The following INPP4B variants were observed in gnomAD, a reference collection of about 807,000 sequenced individuals.
INPP4B encodes the protein inositol polyphosphate 4-phosphatase type II.
A neutral mutation model predicts 122.5 loss-of-function variants in INPP4B; 55 were observed. The observed-to-expected ratio is 0.45, with a 90% CI of 0.36 to 0.56. The LOEUF (loss-of-function observed/expected upper bound fraction) is 0.56, where lower values mean the gene tolerates loss of function less well. Ranked by LOEUF, INPP4B falls within the 20% of genes least tolerant of loss-of-function variation. The pLI, the probability that INPP4B is intolerant of heterozygous loss-of-function variation, is 0.00. For missense variants in INPP4B, 1,000 were observed against 1,097.7 expected (o/e 0.91, Z 1.26); for synonymous variants, 403 against 388.7 (o/e 1.04, Z -0.43).
chr4:142,369,286 A>C (rs1289545496), intron 7 of INPP4B, among the ~76,000 whole-genome samples: 1 of 152,092 alleles, frequency 6.6e-6, no homozygotes, highest in African/African-American at 2.4e-5. Context: ...TCCAGGATAA[A>C]AACAAAAAAT....
intron 3 of INPP4B, among the ~76,000 whole-genome samples, chr4:142,457,994 AC>A (rs748841310): frequency 5.3e-5 from 8 of 152,212 alleles, no homozygotes; most frequent in Non-Finnish European, 1.0e-4. Flanking sequence ...ATCTTTGATT[AC>A]TCAAAAACCT....
At chr4:142,538,239 T>A (rs1828522335) in intron 2 of INPP4B, among the ~76,000 whole-genome samples, 1 of 152,240 alleles carries the variant, frequency 6.6e-6, no homozygotes, top group African/African-American at 2.4e-5. Flanking sequence ...CAACACTGAT[T>A]GCTAAATTGG....
intron 2 of INPP4B, among the ~76,000 whole-genome samples, chr4:142,714,425 T>C (rs1045751653): frequency 6.6e-6 from 1 of 152,158 alleles, no homozygotes; most frequent in African/African-American, 2.4e-5. Flanking sequence ...TGCTTGAAAA[T>C]TGAAGTGTTT....
intron 1 of INPP4B, among the ~76,000 whole-genome samples, chr4:142,733,858 T>C (rs1447372027): frequency 6.6e-6 from 1 of 152,092 alleles, no homozygotes; most frequent in Admixed American, 6.6e-5. Context: ...CCATAAACAG[T>C]AAAGCTGATT....
intron 1 of INPP4B, among the ~76,000 whole-genome samples, chr4:142,827,554 A>G (rs1025646114): frequency 7.2e-5 from 11 of 152,216 alleles, no homozygotes; most frequent in African/African-American, 2.7e-4. Flanking sequence ...TTACAGCTGT[A>G]CATATTTTTA....
chr4:142,419,673 A>T (rs1251724633), intron 5 of INPP4B, among the ~76,000 whole-genome samples: 1 of 152,182 alleles, frequency 6.6e-6, no homozygotes, highest in African/African-American at 2.4e-5. Context: ...CATTTGGGGC[A>T]AAGACTGTTT....
chr4:142,313,100 G>T (rs979016529), intron 8 of INPP4B, among the ~76,000 whole-genome samples: 12 of 152,186 alleles, frequency 7.9e-5, no homozygotes, highest in African/African-American at 2.9e-4. Context: ...GGGGGAAATG[G>T]TGGGAGGAGG....
rs571598546 is a variant in INPP4B, at chr4:142,384,217, T to C, written c.372+18721A>G. ...GTGGGTTAAGACAAAAGAAATACCTTAGAAAAAACAGGTATTAACTCAATT... is the reference window on the plus strand; with the variant it reads ...GTGGGTTAAGACAAAAGAAATACCTCAGAAAAAACAGGTATTAACTCAATT... On this transcript the variant is annotated intron_variant, in intron 7 of 25. Transcript: ENST00000262992. 2.8e-5 allele frequency: 19 copies of C among 670,016 alleles called. No homozygotes were observed. The Admixed American group carries it at 4.0e-4, about 14-fold the overall frequency. The allele number at this position is 670,016 out of a possible 1,614,324, so 41.5% of individuals were successfully genotyped here. A position where few individuals can be genotyped will look rare whatever the true frequency, so the allele number is the denominator to read the frequency against.
intron 2 of INPP4B, among the ~76,000 whole-genome samples, chr4:142,714,376 T>A (rs984147029): frequency 6.6e-6 from 1 of 152,216 alleles, no homozygotes; most frequent in African/African-American, 2.4e-5. Context: ...CACGTTGACA[T>A]AAATTCAGGC....
intron 25 of INPP4B, among the ~76,000 whole-genome samples, chr4:142,030,830 T>A (rs1739454931): frequency 6.6e-6 from 1 of 152,172 alleles, no homozygotes; most frequent in Non-Finnish European, 1.5e-5. Flanking sequence ...ATCTTTAAAA[T>A]GAGTGAGACA....
At chr4:142,245,595 C>T (rs929629697) in intron 11 of INPP4B, among the ~76,000 whole-genome samples, 3 of 151,840 alleles carry the variant, frequency 2.0e-5, no homozygotes, top group African/African-American at 7.3e-5. Context: ...ATGATGCTGG[C>T]CTCATAAAAT....
chr4:142,214,711 C>T (rs1846317974), intron 12 of INPP4B, among the ~76,000 whole-genome samples: 1 of 152,126 alleles, frequency 6.6e-6, no homozygotes, highest in East Asian at 1.9e-4. Flanking sequence ...TGCCATCACG[C>T]CTGGCTAATC....
chr4:142,833,884 G>A (rs950652944), intron 1 of INPP4B, among the ~76,000 whole-genome samples: 13 of 152,010 alleles, frequency 8.6e-5, no homozygotes, highest in African/African-American at 1.7e-4. Flanking sequence ...CCTCAATAGC[G>A]CACCCAGACT....
At chr4:142,530,769 C>A (rs1300657174) in intron 2 of INPP4B, among the ~76,000 whole-genome samples, 2 of 151,914 alleles carry the variant, frequency 1.3e-5, no homozygotes, top group African/African-American at 4.8e-5. Flanking sequence ...GAAGTACATT[C>A]AGGCATTGAA....
Position 142,193,178 on chromosome 4 carries a change from T to G in INPP4B, c.1090A>C (p.Ile364Leu), listed in dbSNP as rs1218091516. ...PHLKDALYDV[I>L]TVGAPAAHFQ... is the part of the protein sequence containing the mutation. The stretch of plus-strand genomic sequence containing the variant: ...TGGGCAGCTGGGGCTCCCACAGTGA[T>G]GACATCGTAGAGAGCATCTGGAGTA... Residue 364 changes from isoleucine to leucine, a missense_variant, in exon 15 of 26, where the codon ATC becomes CTC. Physicochemically the swap from Ile to Leu is conservative, Grantham distance 5. Coordinates refer to ENST00000262992, the MANE Select transcript of INPP4B (RefSeq NM_001101669.3). The G allele has an allele frequency of 6.2e-7, 1 of 1,610,580 alleles. No individual in the cohort carries two copies. The highest frequency in any genetic ancestry group is 8.5e-7 in the Non-Finnish European group (1 of 1,177,010).
At chr4:142,723,874 C>T (rs568898934) in intron 2 of INPP4B, among the ~76,000 whole-genome samples, 1 of 152,030 alleles carries the variant, frequency 6.6e-6, no homozygotes, top group Non-Finnish European at 1.5e-5. Context: ...ATTGCAAACA[C>T]CCCCAGTTCA....
intron 7 of INPP4B, among the ~76,000 whole-genome samples, chr4:142,340,924 T>C (rs2151689227): frequency 6.6e-6 from 1 of 152,330 alleles, no homozygotes; most frequent in Non-Finnish European, 1.5e-5. Context: ...TTTTATCATA[T>C]CTGGTTCTGA....
chr4:142,478,830 A>G lies in INPP4B; in HGVS notation c.-190-16104T>C, dbSNP rs116872306. The stretch of plus-strand genomic sequence containing the variant: ...ATGAGCTGGATCTCTTCCTTACACC[A>G]TATGCAACAATCAATTCAAGATGTA... On this transcript the variant is annotated intron_variant, in intron 2 of 25. Transcript: ENST00000262992. Among the ~76,000 whole-genome samples, 308 of 152,250 alleles carry G rather than the reference A, an allele frequency of 2.0e-3. 10 individuals are homozygous for G. The East Asian group carries it at 0.056, about 28-fold the overall frequency.
intron 2 of INPP4B, among the ~76,000 whole-genome samples, chr4:142,531,025 T>C (rs1011465593): frequency 6.6e-6 from 1 of 152,040 alleles, no homozygotes; most frequent in Non-Finnish European, 1.5e-5. Flanking sequence ...GGGAAGAATA[T>C]AACCCTGGGG....
Sources: gnomAD v4.1 joint callset for allele counts (sites outside exome capture counted in the v4.1 genomes callset) on GRCh38, gnomAD v4.1.1 for gene constraint, MANE v1.5 for transcripts, NCBI Gene and HGNC (gene_info 2026-07-23, HGNC 2026-07-21) for gene names.